Variants in UBR2 observed in about 807,000 individuals in gnomAD.
The protein encoded by UBR2 is ubiquitin protein ligase E3 component n-recognin 2.
UBR2 carries 92 observed loss-of-function variants against 247.9 expected under a neutral mutation model. That is an observed-to-expected ratio of 0.37 (90% CI 0.31 to 0.44). The LOEUF (loss-of-function observed/expected upper bound fraction) is 0.44, where lower values mean the gene tolerates loss of function less well. Among genes scored for constraint, UBR2 ranks in the 20% least tolerant of loss-of-function variants. UBR2 has a pLI of 1.00. For missense variants in UBR2, 1,613 were observed against 2,112.6 expected (o/e 0.76, Z 4.64); for synonymous variants, 672 against 693.5 (o/e 0.97, Z 0.49).
At chr6:42,571,775 C>T (rs940659261) in intron 1 of UBR2, among the ~76,000 whole-genome samples, 1 of 146,480 alleles carries the variant, frequency 6.8e-6, no homozygotes, top group Non-Finnish European at 1.5e-5. Flanking sequence ...GATCATTTGA[C>T]TACCTTCATT....
chr6:42,689,548 G>T lies in UBR2; in HGVS notation c.5025-21G>T. ...GGTTACTAATGTGTAAATGTGTAAC[G>T]TATGACTGATCTCTCTACAGAGTAC... On this transcript the variant is annotated intron_variant, in intron 45 of 46. Coordinates refer to ENST00000372901, the MANE Select transcript of UBR2 (RefSeq NM_001363705.2). This position sits in a 1 kb window ranked among gnomAD's most constrained non-coding sequence, Gnocchi z 4.0. The T allele has an allele frequency of 6.2e-7, 1 of 1,607,036 alleles. No homozygotes were observed. The highest frequency in any genetic ancestry group is 8.5e-7 in the Non-Finnish European group (1 of 1,173,738).
At chr6:42,574,685 C>T (rs182587816) in intron 2 of UBR2, among the ~76,000 whole-genome samples, 1 of 139,452 alleles carries the variant, frequency 7.2e-6, no homozygotes, top group Non-Finnish European at 1.5e-5. Flanking sequence ...TATATCATTT[C>T]AGAAATTTTC....
intron 2 of UBR2, among the ~76,000 whole-genome samples, chr6:42,581,841 T>G (rs1791922441): frequency 6.6e-6 from 1 of 152,232 alleles, no homozygotes; most frequent in South Asian, 2.1e-4. Flanking sequence ...TTGGCTATTA[T>G]GAATAAAACT....
chr6:42,564,449 T>G (rs1418085348), intron 1 of UBR2, 52 bp downstream of exon 1: 1 of 1,575,194 alleles, frequency 6.3e-7, no homozygotes, highest in Non-Finnish European at 8.6e-7. Context: ...GCCGCGCCTG[T>G]GGGGAGGAAC....
intron 29 of UBR2, 65 bp downstream of exon 29, chr6:42,658,889 GT>G (rs1797605057): frequency 6.9e-7 from 1 of 1,442,318 alleles, no homozygotes; most frequent in Non-Finnish European, 9.2e-7. Context: ...GCAGTGTTGC[GT>G]TTTCTCCTTG....
At chr6:42,585,461 G>T (rs1792193117) in intron 2 of UBR2, among the ~76,000 whole-genome samples, 1 of 152,102 alleles carries the variant, frequency 6.6e-6, no homozygotes, top group South Asian at 2.1e-4. Flanking sequence ...AACGAATTGG[G>T]ATATATTCCT....
intron 11 of UBR2, among the ~76,000 whole-genome samples, chr6:42,619,295 G>A (rs951906443): frequency 3.3e-5 from 5 of 150,168 alleles, no homozygotes; most frequent in African/African-American, 1.2e-4. Context: ...GATTAATTTA[G>A]GAAGCACTAA....
chr6:42,606,655 A>C lies in UBR2; in HGVS notation c.864+4A>C, dbSNP rs751088230. ...GCAAGCAAAATCAGTAATTGTGGTA[A>C]GTAATTTAAAAACATGCTTATATTA... On this transcript the variant is annotated splice_donor_region_variant and intron_variant, in intron 7 of 46. Transcript: ENST00000372901. 46 of 1,596,554 alleles carry C rather than the reference A, an allele frequency of 2.9e-5. No homozygotes were observed. The highest frequency in any genetic ancestry group is 1.2e-4 in the South Asian group (10 of 86,910).
intron 2 of UBR2, among the ~76,000 whole-genome samples, chr6:42,583,620 C>T (rs1792054602): frequency 6.6e-6 from 1 of 151,792 alleles, no homozygotes; most frequent in Admixed American, 6.6e-5. Flanking sequence ...CTACCAGGTT[C>T]AAGCCATTCT....
rs149124804 is a variant in UBR2 at position 42,677,506 on chromosome 6, G to A, written c.4478+633G>A. On this transcript the variant is annotated intron_variant, in intron 40 of 46. Coordinates refer to ENST00000372901, the MANE Select transcript of UBR2 (RefSeq NM_001363705.2). ...AAAGATGGACACTCCAGCCAGGCAC[G>A]GTGTCTCACCCCTATAATCCCAGCA... 4.1e-3 allele frequency among the ~76,000 whole-genome samples: 620 copies of A among 152,216 alleles called. 1 individual carries two copies. The highest frequency in any genetic ancestry group is 0.014 in the African/African-American group (569 of 41,512).
At chr6:42,688,488 G>A (rs1443900289) in intron 45 of UBR2, 102 bp downstream of exon 45, 6 of 1,360,132 alleles carry the variant, frequency 4.4e-6, no homozygotes, top group African/African-American at 1.5e-5. Context: ...TGAGACTACT[G>A]TTCCGTGTGA....
intron 30 of UBR2, among the ~76,000 whole-genome samples, chr6:42,661,883 T>C (rs753197481): frequency 5.3e-5 from 8 of 152,220 alleles, no homozygotes; most frequent in Non-Finnish European, 7.3e-5. Context: ...AATTGGAATA[T>C]CTCAGCACCC....
At chr6:42,681,159 T>A (rs1799024356) in intron 42 of UBR2, among the ~76,000 whole-genome samples, 2 of 123,612 alleles carry the variant, frequency 1.6e-5, no homozygotes, top group African/African-American at 3.3e-5. Flanking sequence ...CGAGACTCCG[T>A]CTCAAAAAAA....
In UBR2 at chr6:42,617,481, G is replaced by A; in HGVS notation, c.1255G>A (p.Val419Ile). The A allele has an allele frequency of 6.4e-7, 1 of 1,552,610 alleles. No homozygotes were observed. Among genetic ancestry groups the A allele is most frequent in the Non-Finnish European group, 8.7e-7 (1 of 1,147,542 alleles). The change falls in exon 11 of 47, where the codon GTT (valine) becomes ATT (isoleucine). Residue 419 changes from valine (V) to isoleucine (I), a missense_variant. This residue lies in a region of UBR2 where 1,524 missense variants were observed against 1,967.3 expected (regional missense o/e 0.77). Transcript: ENST00000372901. ...AGAGTTTTCAGTCGCAGACCTCTCG[G>A]TTCAGATATTCACGGTTCCTTCACT... Reference protein sequence around the residue: ...DREFSVADLSVQIFTVPSLAR... With the variant: ...DREFSVADLSIQIFTVPSLAR...
At position 42,652,492 on chromosome 6, in the gene UBR2, A is replaced by G. The variant is rs1341497758; in HGVS notation, c.2616A>G (p.Ala872=). ...CAATAATAACAACTGTATTTTCAGCACTCCCACCTCCGGTGTTGCCTCCAT... is the reference window on the plus strand; with the variant it reads ...CAATAATAACAACTGTATTTTCAGCGCTCCCACCTCCGGTGTTGCCTCCAT... ...KLKRQNREDT[A]LPPPVLPPFC... The change falls in exon 25 of 47, where the codon GCA becomes GCG. Residue 872 remains alanine, a splice_region_variant and synonymous_variant. Coordinates refer to ENST00000372901, the MANE Select transcript of UBR2 (RefSeq NM_001363705.2). 6.3e-7 allele frequency: 1 copy of G among 1,596,418 alleles called. No homozygotes were observed.
intron 3 of UBR2, 90 bp downstream of exon 3, chr6:42,592,319 T>A: frequency 9.6e-7 from 1 of 1,044,814 alleles, no homozygotes; most frequent in Non-Finnish European, 1.3e-6. Context: ...GATTTAACAC[T>A]AAAATGGGGG....
At chr6:42,580,970 T>C (rs1338740611) in intron 2 of UBR2, among the ~76,000 whole-genome samples, 2 of 151,894 alleles carry the variant, frequency 1.3e-5, no homozygotes, top group African/African-American at 4.8e-5. Context: ...TGTGTTGATA[T>C]TGTCACCTTA....
intron 32 of UBR2, 82 bp downstream of exon 32, chr6:42,663,501 T>TA: frequency 7.1e-7 from 1 of 1,413,252 alleles, no homozygotes; most frequent in Non-Finnish European, 9.5e-7. Flanking sequence ...GAGGAAAACT[T>TA]AGTCTAGGCA....
At chr6:42,687,927 T>G (rs185162595) in intron 44 of UBR2, among the ~76,000 whole-genome samples, 1 of 152,334 alleles carries the variant, frequency 6.6e-6, no homozygotes, top group Non-Finnish European at 1.5e-5. Context: ...CCATAGTATT[T>G]TATTATATGG....
Sources: allele counts gnomAD v4.1 joint callset (sites outside exome capture counted in the v4.1 genomes callset), GRCh38; gene constraint gnomAD v4.1.1; regional missense constraint gnomAD v4.1.1; non-coding constraint Gnocchi (gnomAD v3.1); transcripts MANE v1.5; gene names NCBI Gene and HGNC (gene_info 2026-07-23, HGNC 2026-07-21).